Variants in GARIN5A observed in about 807,000 individuals in gnomAD.
GARIN5A encodes the protein Golgi-associated RAB2 interactor protein 5A.
chr19:50,475,824 G>A, the GARIN5A span: 4 of 1,600,380 alleles, frequency 2.5e-6, no homozygotes, highest in African/African-American at 5.4e-5. Context: ...GGGTTCTGGG[G>A]CTCCCTACCT....
At chr19:50,474,050 T>C in the GARIN5A span, among the ~76,000 whole-genome samples, 2 of 152,186 alleles carry the variant, frequency 1.3e-5, no homozygotes, top group African/African-American at 4.8e-5. Context: ...AACATTTCAG[T>C]GTTTGTAGCT....
the GARIN5A span, among the ~76,000 whole-genome samples, chr19:50,474,130 C>G: frequency 6.6e-5 from 10 of 151,970 alleles, no homozygotes; most frequent in Admixed American, 6.6e-4. Flanking sequence ...CTTGTTTTCT[C>G]GTTTGTTTGC....
chr19:50,474,221 C>T, the GARIN5A span, among the ~76,000 whole-genome samples: 1 of 151,692 alleles, frequency 6.6e-6, no homozygotes, highest in East Asian at 1.9e-4. Flanking sequence ...ATTCTGTTAC[C>T]CAGGTTGGAG....
chr19:50,467,945 C>T, the GARIN5A span: 4 of 843,278 alleles, frequency 4.7e-6, no homozygotes, highest in South Asian at 4.8e-5. Context: ...TCCCTTTCCA[C>T]TTTCATTGCC....
the GARIN5A span, chr19:50,475,532 T>C: frequency 0.014 from 19,671 of 1,381,880 alleles, 551 homozygotes; most frequent in African/African-American, 0.11. Context: ...TTAGGAATCT[T>C]GGTAGGGGAA....
the GARIN5A span, among the ~76,000 whole-genome samples, chr19:50,472,105 T>TGTGTATATGTATATGTATATAC: frequency 7.2e-6 from 1 of 139,448 alleles, no homozygotes; most frequent in Non-Finnish European, 1.6e-5. Flanking sequence ...TATGTATATA[T>TGTGTATATGTATATGTATATAC]ACGTGTGTAT....
At chr19:50,475,693 G>C in the GARIN5A span, 1 of 704,198 alleles carries the variant, frequency 1.4e-6, no homozygotes, top group African/African-American at 1.8e-5. Context: ...CTAGAAGTAT[G>C]GGGTGTCAGA....
At chr19:50,471,739 T>C in the GARIN5A span, among the ~76,000 whole-genome samples, 53 of 147,034 alleles carry the variant, frequency 3.6e-4, 3 homozygotes, top group African/African-American at 1.3e-3. Context: ...CACGTGTGTG[T>C]ATACGCATAC....
the GARIN5A span, chr19:50,475,477 C>T: frequency 3.9e-4 from 624 of 1,591,866 alleles, 6 homozygotes; most frequent in South Asian, 4.7e-3. Context: ...GGTCAGAGGT[C>T]GGGGCAGGAT....
the GARIN5A span, among the ~76,000 whole-genome samples, chr19:50,473,723 A>G: frequency 6.6e-6 from 1 of 151,654 alleles, no homozygotes; most frequent in South Asian, 2.1e-4. Context: ...ATGGTAGCTC[A>G]TGCCTGTAAT....
At chr19:50,470,115 G>A in the GARIN5A span, among the ~76,000 whole-genome samples, 2 of 152,246 alleles carry the variant, frequency 1.3e-5, no homozygotes, top group African/African-American at 4.8e-5. Context: ...CAAGCCGTCT[G>A]AGGGCAGGCA....
chr19:50,475,777 G>A, the GARIN5A span: 3 of 1,273,332 alleles, frequency 2.4e-6, no homozygotes, highest in African/African-American at 1.5e-5. Context: ...TCCAAGTCAG[G>A]AGGAGGTCGA....
At chr19:50,470,403 C>T in the GARIN5A span, among the ~76,000 whole-genome samples, 1 of 151,924 alleles carries the variant, frequency 6.6e-6, no homozygotes, top group Non-Finnish European at 1.5e-5. Flanking sequence ...ATCCCAGCTA[C>T]TTGGGAGGCT....
chr19:50,472,289 GTGTATA>G, the GARIN5A span, among the ~76,000 whole-genome samples: 1 of 151,382 alleles, frequency 6.6e-6, no homozygotes, highest in Non-Finnish European at 1.5e-5. Context: ...ACATGTATGT[GTGTATA>G]TATGTATATA....
chr19:50,467,486 A>T, the GARIN5A span: 1 of 1,014,682 alleles, frequency 9.9e-7, no homozygotes, highest in Non-Finnish European at 1.4e-6. Flanking sequence ...CTCCTCTCTT[A>T]GACCTGGGAG....
At chr19:50,473,185 G>A in the GARIN5A span, among the ~76,000 whole-genome samples, 7 of 152,300 alleles carry the variant, frequency 4.6e-5, no homozygotes, top group East Asian at 1.2e-3. Context: ...ATTTGGCCAC[G>A]AAATTAGAAA....
chr19:50,468,486 T>C, the GARIN5A span, among the ~76,000 whole-genome samples: 134 of 152,148 alleles, frequency 8.8e-4, no homozygotes, highest in African/African-American at 3.1e-3. Flanking sequence ...CTACTCCTCT[T>C]GGTCTTCCCT....
chr19:50,474,272 T>G, the GARIN5A span, among the ~76,000 whole-genome samples: 1 of 151,520 alleles, frequency 6.6e-6, no homozygotes, highest in Non-Finnish European at 1.5e-5. Flanking sequence ...CTCCACCTCT[T>G]GGGTTCAAGC....
the GARIN5A span, among the ~76,000 whole-genome samples, chr19:50,472,273 A>G: frequency 6.6e-6 from 1 of 150,898 alleles, no homozygotes; most frequent in Non-Finnish European, 1.5e-5. Flanking sequence ...GTATATATGT[A>G]TATATACATG....
Sources: allele counts gnomAD v4.1 joint callset (sites outside exome capture counted in the v4.1 genomes callset), GRCh38; gene constraint gnomAD v4.1.1; transcripts MANE v1.5; gene names NCBI Gene and HGNC (gene_info 2026-07-23, HGNC 2026-07-21).